C4orf50: variants seen among roughly 807,000 people sequenced by gnomAD.
C4orf50 encodes uncharacterized protein C4orf50.
C4orf50 carries 80 observed loss-of-function variants against 77.2 expected under a neutral mutation model. That is an observed-to-expected ratio of 1.04 (90% confidence interval 0.87 to 1.25). The LOEUF is 1.25. Ranked by LOEUF, C4orf50 falls within the 50% of genes most tolerant of loss-of-function variation. The probability of loss-of-function intolerance (pLI) is 0.00; values close to 1 mark genes in which losing one functional copy is unlikely to be tolerated. For synonymous variants in C4orf50, 532 were observed against 465.3 expected, an observed-to-expected ratio of 1.14 and a Z score of -1.84; for missense variants, 1,257 against 1,152.9, an observed-to-expected ratio of 1.09 and a Z score of -1.31.
Position 5,919,552 on chromosome 4 carries a change from G to A in C4orf50, c.*2475-21364C>T, listed in dbSNP as rs1485507606. On this transcript the variant is annotated intron_variant, in intron 7 of 7. Transcript: ENST00000324058. This position sits in a 1 kb window ranked among gnomAD's most constrained non-coding sequence, Gnocchi z 6.5. ...AGGTTTCCCTGAGCAGCTATCAGCT[G>A]AAGCATGGGTGGAGAGGATAGCTGC... is the stretch of plus-strand genomic sequence containing the variant. 6.6e-6 allele frequency among the ~76,000 whole-genome samples: 1 copy of A among 152,174 alleles called. No homozygotes were observed. Among genetic ancestry groups the A allele is most frequent in the African/African-American group, 2.4e-5 (1 of 41,450 alleles).
chr4:6,002,728 G>A (rs569698308), intron 25 of C4orf50, among the ~76,000 whole-genome samples: 2 of 152,302 alleles, frequency 1.3e-5, no homozygotes, highest in Admixed American at 1.3e-4. Flanking sequence ...TCCTTGGAGG[G>A]CGGCTCTCAG....
At position 6,008,394 on chromosome 4, in the gene C4orf50, C is replaced by T; in HGVS notation, c.565G>A (p.Gly189Ser). The change falls in exon 25 of 34, where the codon GGC (glycine) becomes AGC (serine). Residue 189 changes from glycine to serine, a missense_variant. Coordinates refer to ENST00000531445, the Ensembl canonical transcript of C4orf50. This position sits in a 1 kb window ranked among gnomAD's most constrained non-coding sequence, Gnocchi z 6.0. ...ACGCGCTCCTGCTCCCGCACCAGGC[C>T]CAGCTGGCGCCGCTGGGTCCGCCGG... 1 of 393,906 alleles carries T rather than the reference C, an allele frequency of 2.5e-6. No homozygotes were observed. 24.4% of individuals were successfully genotyped at this position (393,906 alleles called of 1,614,324 possible).
At chr4:5,922,379 G>A (rs771425570) in intron 7 of C4orf50, among the ~76,000 whole-genome samples, 1 of 152,196 alleles carries the variant, frequency 6.6e-6, no homozygotes, top group Non-Finnish European at 1.5e-5. Context: ...TGTGGGTCGG[G>A]TAACTCATAC....
At chr4:5,912,455 T>G (rs1009902345) in intron 7 of C4orf50, among the ~76,000 whole-genome samples, 1 of 152,068 alleles carries the variant, frequency 6.6e-6, no homozygotes, top group Non-Finnish European at 1.5e-5. Context: ...CTGGGATGAG[T>G]GTACAAAGCA....
chr4:5,999,288 C>T (rs1166286818), intron 25 of C4orf50, among the ~76,000 whole-genome samples: 1 of 152,216 alleles, frequency 6.6e-6, no homozygotes, highest in African/African-American at 2.4e-5. Flanking sequence ...GCTTCCACTT[C>T]CTTGGGCAAG....
intron 7 of C4orf50, among the ~76,000 whole-genome samples, chr4:5,914,784 C>A (rs1411955601): frequency 2.0e-5 from 3 of 152,162 alleles, no homozygotes; most frequent in Non-Finnish European, 4.4e-5. Context: ...TAACCTTGAG[C>A]TTGTTTTACA....
At chr4:5,955,394 G>T (rs6824475), downstream of C4orf50, among the ~76,000 whole-genome samples, 1 of 151,968 alleles carries the variant, frequency 6.6e-6, no homozygotes, top group South Asian at 2.1e-4. The surrounding 1 kb of genome is among the most constrained non-coding windows in gnomAD (Gnocchi z 5.1). Flanking sequence ...GCGTTACAGG[G>T]GAAAGGACGA....
At chr4:5,980,024 T>C (rs982118319) in intron 29 of C4orf50, 150 bp downstream of exon 7, 4 of 484,662 alleles carry the variant, frequency 8.3e-6, no homozygotes, top group Non-Finnish European at 1.4e-5. Flanking sequence ...TGTTTTTTTT[T>C]TCCTGGTACT....
chr4:6,008,667 A>G lies in C4orf50; in HGVS notation c.427-135T>C, dbSNP rs1053550466. The G allele has an allele frequency of 2.5e-6, 1 of 392,428 alleles. No homozygotes were observed. The highest frequency in any genetic ancestry group is 4.5e-6 in the Non-Finnish European group (1 of 222,514). 24.3% of individuals were successfully genotyped at this position (392,428 alleles called of 1,614,324 possible). On this transcript the variant is annotated intron_variant, in intron 24 of 33. Transcript: ENST00000531445. The surrounding 1 kb of genome is among the most constrained non-coding windows in gnomAD (Gnocchi z 6.0). ...TGCATTTTGTGCATTGTAATAGTGC[A>G]TCAAAGTATTATCTCTTTGACTGTT...
At chr4:6,003,904 GTGATGT>G (rs1721999013) in intron 25 of C4orf50, among the ~76,000 whole-genome samples, 1 of 103,348 alleles carries the variant, frequency 9.7e-6, no homozygotes, top group African/African-American at 3.9e-5. Context: ...TGATGTGATG[GTGATGT>G]TGATGATGGT....
chr4:5,982,653 G>A (rs1237615798), intron 28 of C4orf50, among the ~76,000 whole-genome samples: 3 of 152,178 alleles, frequency 2.0e-5, no homozygotes. Flanking sequence ...TCCATGGCGT[G>A]AATATTCCCA....
chr4:5,968,562 G>A (rs1272553069), intron 31 of C4orf50, among the ~76,000 whole-genome samples: 1 of 152,104 alleles, frequency 6.6e-6, no homozygotes, highest in African/African-American at 2.4e-5. Context: ...TCCCACCCCG[G>A]TGCCTGTGTC....
Position 6,011,520 on chromosome 4 carries a change from C to T in C4orf50, c.426+310G>A, listed in dbSNP as rs1722493252. Among the ~76,000 whole-genome samples, 1 of 152,052 alleles carries T rather than the reference C, an allele frequency of 6.6e-6. No individual in the cohort carries two copies. Among genetic ancestry groups the T allele is most frequent in the Admixed American group, 6.6e-5 (1 of 15,266 alleles). ...AGTTATTTGTTTCTTATCAGTCTCC[C>T]CCATCTGCATAAGAGCTCCGGACCC... On this transcript the variant is annotated intron_variant, in intron 24 of 33. Coordinates refer to ENST00000531445, the Ensembl canonical transcript of C4orf50. This position sits in a 1 kb window ranked among gnomAD's most constrained non-coding sequence, Gnocchi z 4.2.
At chr4:6,004,396 ATGGTGATGGAGATGT>A (rs1722134014) in intron 25 of C4orf50, among the ~76,000 whole-genome samples, 1 of 102,216 alleles carries the variant, frequency 9.8e-6, no homozygotes, top group African/African-American at 3.6e-5. Flanking sequence ...GATGGTGGTG[ATGGTGATGGAGATGT>A]TGGTGATGAT....
intron 7 of C4orf50, among the ~76,000 whole-genome samples, chr4:5,944,143 C>A (rs77945647): frequency 6.6e-6 from 1 of 152,194 alleles, no homozygotes. Flanking sequence ...GGGCATCGAG[C>A]TTCCCTGGCC....
At chr4:5,948,390 C>T (rs888672009) in intron 7 of C4orf50, among the ~76,000 whole-genome samples, 3 of 152,160 alleles carry the variant, frequency 2.0e-5, no homozygotes, top group East Asian at 1.9e-4. Flanking sequence ...CAGGGCTGGG[C>T]GTGGTGGCTT....
intron 31 of C4orf50, among the ~76,000 whole-genome samples, chr4:5,968,520 G>A (rs1169182991): frequency 1.3e-5 from 2 of 152,126 alleles, no homozygotes; most frequent in Non-Finnish European, 2.9e-5. Context: ...TCACCCTTTC[G>A]ACACTGTTGT....
intron 7 of C4orf50, among the ~76,000 whole-genome samples, chr4:5,924,604 A>G (rs12504188): frequency 0.41 from 62,294 of 151,990 alleles, 14,376 homozygotes; most frequent in East Asian, 0.77. Context: ...CAGTGCTGAG[A>G]ACCCAGGGCG....
chr4:5,967,461 G>C (rs747570169), exon 32 of C4orf50: 1 of 1,613,856 alleles, frequency 6.2e-7, no homozygotes, highest in South Asian at 1.1e-5. Context: ...GTGGTGGCTT[G>C]TCTGCAAGAA....
Sources: gnomAD v4.1 joint callset for allele counts (sites outside exome capture counted in the v4.1 genomes callset) on GRCh38, gnomAD v4.1.1 for gene constraint, Gnocchi (gnomAD v3.1) non-coding constraint, MANE v1.5 for transcripts, NCBI Gene and HGNC (gene_info 2026-07-23, HGNC 2026-07-21) for gene names.